The following FRMD4A variants were observed in gnomAD, a reference collection of about 807,000 sequenced individuals.
FRMD4A encodes the protein FERM domain-containing protein 4A.
A neutral mutation model predicts 129.1 loss-of-function variants in FRMD4A; 29 were observed. The ratio of observed to expected loss-of-function variants is 0.22; its 90% CI spans 0.17 to 0.31. FRMD4A has a LOEUF of 0.31. FRMD4A is among the 10% of genes least tolerant of loss of function. The probability of loss-of-function intolerance (pLI) is 1.00; values close to 1 mark genes in which losing one functional copy is unlikely to be tolerated. For missense variants in FRMD4A, 1,272 were observed against 1,375.8 expected (o/e 0.92, Z 1.19); for synonymous variants, 634 against 571.6 (o/e 1.11, Z -1.56).
intron 18 of FRMD4A, 131 bp downstream of exon 18, chr10:13,665,966 G>T: frequency 1.5e-6 from 1 of 662,376 alleles, no homozygotes; most frequent in East Asian, 2.5e-5. Flanking sequence ...TCATTTTATG[G>T]ATGGACAAAT....
chr10:14,327,875 G>A (rs190969307), intron 2 of FRMD4A, among the ~76,000 whole-genome samples: 10 of 152,286 alleles, frequency 6.6e-5, no homozygotes, highest in Admixed American at 5.9e-4. Flanking sequence ...TGATGAATGA[G>A]CTCATAAATA....
intron 2 of FRMD4A, among the ~76,000 whole-genome samples, chr10:13,939,618 AG>A (rs1393836895): frequency 6.6e-6 from 1 of 152,260 alleles, no homozygotes; most frequent in African/African-American, 2.4e-5. Flanking sequence ...ATGATATAAA[AG>A]TATTCTAATT....
At chr10:14,233,924 G>A (rs954202674) in intron 2 of FRMD4A, among the ~76,000 whole-genome samples, 3 of 152,182 alleles carry the variant, frequency 2.0e-5, no homozygotes, top group Non-Finnish European at 4.4e-5. Flanking sequence ...AAATCAATGG[G>A]ACACAGGGAA....
intron 2 of FRMD4A, among the ~76,000 whole-genome samples, chr10:14,163,408 T>C (rs990504707): frequency 1.3e-5 from 2 of 152,230 alleles, no homozygotes; most frequent in Non-Finnish European, 2.9e-5. Flanking sequence ...CATCCACTTG[T>C]AATAAAAGCA....
At chr10:14,028,212 C>A (rs939597429) in intron 2 of FRMD4A, among the ~76,000 whole-genome samples, 3 of 152,174 alleles carry the variant, frequency 2.0e-5, no homozygotes, top group Non-Finnish European at 4.4e-5. Flanking sequence ...CATTAATGCA[C>A]CCTTTGGACA....
chr10:14,319,771 A>T (rs969336557), intron 2 of FRMD4A, among the ~76,000 whole-genome samples: 5 of 152,072 alleles, frequency 3.3e-5, no homozygotes, highest in African/African-American at 9.7e-5. Flanking sequence ...CTAATCCAGG[A>T]CCTAACCCAG....
intron 6 of FRMD4A, among the ~76,000 whole-genome samples, chr10:13,778,700 C>T (rs1004197818): frequency 4.6e-5 from 7 of 151,828 alleles, no homozygotes; most frequent in Non-Finnish European, 7.4e-5. Flanking sequence ...ATCCAGGCAG[C>T]GGTATCTCCC....
chr10:14,276,101 T>C (rs1589254992), intron 2 of FRMD4A, among the ~76,000 whole-genome samples: 1 of 152,210 alleles, frequency 6.6e-6, no homozygotes, highest in African/African-American at 2.4e-5. Flanking sequence ...CCTGGCCCTG[T>C]TGATGCTTGG....
At chr10:13,688,876 CCTAG>C (rs1290796547) in intron 15 of FRMD4A, among the ~76,000 whole-genome samples, 1 of 151,910 alleles carries the variant, frequency 6.6e-6, no homozygotes, top group African/African-American at 2.4e-5. Flanking sequence ...TAATTACACG[CCTAG>C]CTAATTTTTA....
chr10:14,225,854 T>C (rs1267522207), intron 2 of FRMD4A, among the ~76,000 whole-genome samples: 1 of 152,216 alleles, frequency 6.6e-6, no homozygotes, highest in Non-Finnish European at 1.5e-5. Flanking sequence ...TTCTAGATAT[T>C]GTTGCTCAGA....
rs372458620 is a variant in FRMD4A at position 14,197,284 on chromosome 10, A to G, written c.45+132774T>C. Among the ~76,000 whole-genome samples, 59 of 152,358 alleles carry G rather than the reference A, an allele frequency of 3.9e-4. 1 individual carries two copies. In the South Asian group the frequency reaches 0.012, roughly 30 times the overall value. Reference sequence around the variant, plus strand: ...GAGGGGAACCACGTGATAACTTTTAAGGGCAAAAGGAGACAATATGAATAA... The same window carrying G: ...GAGGGGAACCACGTGATAACTTTTAGGGGCAAAAGGAGACAATATGAATAA... On this transcript the variant is annotated intron_variant, in intron 2 of 24. Transcript: ENST00000357447.
chr10:13,892,253 C>T (rs2094708972), intron 2 of FRMD4A, among the ~76,000 whole-genome samples: 1 of 152,194 alleles, frequency 6.6e-6, no homozygotes, highest in Non-Finnish European at 1.5e-5. Context: ...ACCCTGAGAG[C>T]CCGGAGACAG....
chr10:13,894,296 C>T (rs563894575), intron 2 of FRMD4A, among the ~76,000 whole-genome samples: 6 of 152,188 alleles, frequency 3.9e-5, no homozygotes, highest in East Asian at 1.9e-4. Context: ...GATCTGATCC[C>T]GTAACTTTCG....
intron 4 of FRMD4A, among the ~76,000 whole-genome samples, chr10:13,807,409 G>A (rs904352971): frequency 1.3e-5 from 2 of 152,212 alleles, no homozygotes; most frequent in African/African-American, 4.8e-5. Context: ...CACGTCGTTT[G>A]CAAGATGTTG....
At chr10:13,936,433 T>G (rs754313486) in intron 2 of FRMD4A, among the ~76,000 whole-genome samples, 2 of 152,148 alleles carry the variant, frequency 1.3e-5, no homozygotes, top group Non-Finnish European at 2.9e-5. Context: ...ATTCCTATAT[T>G]GGAATCCTCA....
At chr10:13,981,824 C>A (rs1012955801) in intron 2 of FRMD4A, among the ~76,000 whole-genome samples, 6 of 149,880 alleles carry the variant, frequency 4.0e-5, no homozygotes, top group African/African-American at 1.5e-4. Context: ...ATTTTCTGTT[C>A]TTCCTGTTAG....
intron 4 of FRMD4A, among the ~76,000 whole-genome samples, chr10:13,805,001 C>G (rs376913721): frequency 6.6e-6 from 1 of 152,028 alleles, no homozygotes; most frequent in East Asian, 1.9e-4. Context: ...ACATCCTGGC[C>G]GCAGGGTGTC....
intron 4 of FRMD4A, among the ~76,000 whole-genome samples, chr10:13,804,620 T>A (rs7393441): frequency 0.43 from 65,561 of 151,720 alleles, 14,695 homozygotes; most frequent in East Asian, 0.65. Flanking sequence ...CTTGGCTCAC[T>A]GCAATCTCCC....
chr10:14,022,251 T>A (rs1287484573), intron 2 of FRMD4A, among the ~76,000 whole-genome samples: 2 of 152,010 alleles, frequency 1.3e-5, no homozygotes, highest in Non-Finnish European at 2.9e-5. Context: ...GGGGAGAGAA[T>A]TTCATTGAGG....
Sources: allele counts gnomAD v4.1 joint callset (sites outside exome capture counted in the v4.1 genomes callset), GRCh38; gene constraint gnomAD v4.1.1; transcripts MANE v1.5; gene names NCBI Gene and HGNC (gene_info 2026-07-23, HGNC 2026-07-21).